Variants in ADAMTS18 observed in about 807,000 individuals in gnomAD.
The protein encoded by ADAMTS18 is ADAM metallopeptidase with thrombospondin type 1 motif 18, also known as A disintegrin and metalloproteinase with thrombospondin motifs 18.
Under a neutral mutation model 165.9 loss-of-function variants are expected in ADAMTS18, and 157 were observed. The ratio of observed to expected loss-of-function variants is 0.95; its 90% CI spans 0.83 to 1.08. The LOEUF (loss-of-function observed/expected upper bound fraction) is 1.08. ADAMTS18 is among the 50% of genes least tolerant of loss of function. The probability of loss-of-function intolerance (pLI) is 0.00; values close to 1 mark genes in which losing one functional copy is unlikely to be tolerated. For synonymous variants in ADAMTS18, 782 were observed against 578.2 expected (o/e 1.35, Z -5.06); for missense variants, 2,040 against 1,534.0 (o/e 1.33, Z -5.51).
At position 77,335,788 on chromosome 16, in the gene ADAMTS18, G is replaced by A. The variant is rs2056299768; in HGVS notation, c.1827C>T (p.Val609=). Residue 609 remains valine (V), a synonymous_variant, in exon 12 of 23, where the codon GTC becomes GTT. Transcript: ENST00000282849. ...SECSRTCGGG[V]KFQERHCNNP... ...TATTGCAGTGTCTCTCCTGGAACTT[G>A]ACTCCTCCACCACATGTCCGGGAAC... 6.2e-7 allele frequency: 1 copy of A among 1,614,216 alleles called. No individual in the cohort carries two copies. The highest frequency in any genetic ancestry group is 2.2e-5 in the East Asian group (1 of 44,886).
At position 77,431,460 on chromosome 16, in the gene ADAMTS18, T is replaced by C; in HGVS notation, c.330A>G (p.Leu110=). ...RFSAFGQELH[L]ELKPSAILSS... The stretch of plus-strand genomic sequence containing the variant: ...TCAAAATCGCCGAGGGCTTAAGTTC[T>C]AAGTGCAGTTCCTGTCCAAATGCTG... The change falls in exon 3 of 23, where the codon TTA becomes TTG. Residue 110 remains leucine, a synonymous_variant. Coordinates refer to ENST00000282849, the MANE Select transcript of ADAMTS18 (RefSeq NM_199355.4). The C allele has an allele frequency of 1.2e-6, 2 of 1,614,232 alleles. No homozygotes were observed. The highest frequency in any genetic ancestry group is 1.7e-6 in the Non-Finnish European group (2 of 1,180,046).
intron 3 of ADAMTS18, among the ~76,000 whole-genome samples, chr16:77,371,822 G>A (rs181070866): frequency 1.5e-3 from 223 of 152,232 alleles, no homozygotes; most frequent in African/African-American, 4.5e-3. Flanking sequence ...ACAATCAATA[G>A]ACTAAGGAGA....
intron 20 of ADAMTS18, 64 bp downstream of exon 20, chr16:77,293,012 G>C (rs1458735706): frequency 4.4e-6 from 7 of 1,601,332 alleles, no homozygotes; most frequent in South Asian, 1.1e-5. Flanking sequence ...GTAGAGACAG[G>C]GTTTCACTGT....
At chr16:77,422,435 T>G (rs891595176) in intron 3 of ADAMTS18, among the ~76,000 whole-genome samples, 1 of 150,902 alleles carries the variant, frequency 6.6e-6, no homozygotes, top group African/African-American at 2.4e-5. Context: ...AGTGGTGACA[T>G]CATTGGATAG....
rs575718970 is a variant in ADAMTS18 at position 77,360,829 on chromosome 16, G to A, written c.1216+1276C>T. Among the ~76,000 whole-genome samples the A allele has an allele frequency of 8.9e-4, 135 of 152,274 alleles. 1 individual carries two copies. Among genetic ancestry groups the A allele is most frequent in the African/African-American group, 2.5e-3 (105 of 41,566 alleles). Reference sequence around the variant, plus strand: ...TGCCCTGGCACAGTGGCTCATGCCCGTAATCCCAGCACTCTGGGAGGCTGA... The same window carrying A: ...TGCCCTGGCACAGTGGCTCATGCCCATAATCCCAGCACTCTGGGAGGCTGA... On this transcript the variant is annotated intron_variant, in intron 7 of 22. Coordinates refer to ENST00000282849, the MANE Select transcript of ADAMTS18 (RefSeq NM_199355.4).
intron 16 of ADAMTS18, among the ~76,000 whole-genome samples, chr16:77,303,748 C>G (rs2055630466): frequency 6.6e-6 from 1 of 152,118 alleles, no homozygotes; most frequent in Non-Finnish European, 1.5e-5. Flanking sequence ...AAATCAAGTG[C>G]TAGGGCCGGA....
chr16:77,388,514 T>A (rs2057140817), intron 3 of ADAMTS18, among the ~76,000 whole-genome samples: 1 of 152,232 alleles, frequency 6.6e-6, no homozygotes, highest in South Asian at 2.1e-4. Context: ...AAATTCTGGC[T>A]CTACTGCTTG....
chr16:77,359,249 G>A (rs568407896), intron 8 of ADAMTS18, 69 bp downstream of exon 8: 82 of 1,336,256 alleles, frequency 6.1e-5, no homozygotes, highest in African/African-American at 2.3e-4. Flanking sequence ...CAACAACAAC[G>A]GTTAGAGGAA....
At chr16:77,367,322 C>A in intron 4 of ADAMTS18, 119 bp downstream of exon 4, 1 of 1,120,556 alleles carries the variant, frequency 8.9e-7, no homozygotes, top group Non-Finnish European at 1.3e-6. Context: ...GGTCCTACAC[C>A]AAGACAGATG....
At chr16:77,312,012 A>T (rs1471044395) in intron 16 of ADAMTS18, among the ~76,000 whole-genome samples, 1 of 152,162 alleles carries the variant, frequency 6.6e-6, no homozygotes, top group Non-Finnish European at 1.5e-5. Context: ...ATTATTTTTA[A>T]AAACATATTA....
intron 21 of ADAMTS18, chr16:77,290,920 A>G: frequency 3.4e-6 from 1 of 295,802 alleles, no homozygotes; most frequent in Non-Finnish European, 6.5e-6. Flanking sequence ...GGCTGTGAGC[A>G]GCATTTCTAA....
At chr16:77,311,650 A>C (rs1463760891) in intron 16 of ADAMTS18, among the ~76,000 whole-genome samples, 1 of 152,096 alleles carries the variant, frequency 6.6e-6, no homozygotes, top group Non-Finnish European at 1.5e-5. Context: ...CAAAGGCATT[A>C]ACCTAAATTA....
chr16:77,320,042 T>A lies in ADAMTS18; in HGVS notation c.2339A>T (p.Gln780Leu). 6.2e-7 allele frequency: 1 copy of A among 1,614,114 alleles called. No homozygotes were observed. The highest frequency in any genetic ancestry group is 8.5e-7 in the Non-Finnish European group (1 of 1,180,010). ...IPAGARSIEI[Q>L]ELQVSSSYLA... ...GTAACTGGAGGAAACCTGCAGCTCC[T>A]GGATTTCGATGCTTCGGGCGCCAGC... Residue 780 changes from glutamine (Q) to leucine (L), a missense_variant, in exon 16 of 23, where the codon CAG (glutamine) becomes CTG (leucine). Gln to Leu is a moderately radical substitution (Grantham distance 113). Transcript: ENST00000282849.
At chr16:77,291,846 G>T (rs2055370573) in intron 20 of ADAMTS18, among the ~76,000 whole-genome samples, 1 of 152,188 alleles carries the variant, frequency 6.6e-6, no homozygotes, top group Admixed American at 6.5e-5. Context: ...TCTACCTAAG[G>T]CCTGAGGAGT....
At chr16:77,373,256 T>G (rs567703844) in intron 3 of ADAMTS18, among the ~76,000 whole-genome samples, 10 of 152,016 alleles carry the variant, frequency 6.6e-5, no homozygotes, top group Non-Finnish European at 1.3e-4. Flanking sequence ...TTTGGGAGGC[T>G]GAGGTCAGGA....
intron 3 of ADAMTS18, among the ~76,000 whole-genome samples, chr16:77,385,252 A>G (rs2057090619): frequency 6.6e-6 from 1 of 152,210 alleles, no homozygotes; most frequent in East Asian, 1.9e-4. Flanking sequence ...CTTGTCATCG[A>G]AAGTCTAACT....
intron 3 of ADAMTS18, among the ~76,000 whole-genome samples, chr16:77,408,378 T>G (rs544879371): frequency 2.7e-4 from 41 of 152,180 alleles, no homozygotes; most frequent in African/African-American, 9.6e-4. Context: ...ATGAGTACAT[T>G]TGAACCATAA....
chr16:77,324,448 G>C (rs1335747732), intron 13 of ADAMTS18, among the ~76,000 whole-genome samples: 1 of 152,138 alleles, frequency 6.6e-6, no homozygotes, highest in East Asian at 1.9e-4. Flanking sequence ...CATTTCAAAA[G>C]TTATAACCAT....
At chr16:77,286,795 C>G (rs992639926) in intron 22 of ADAMTS18, among the ~76,000 whole-genome samples, 12 of 152,124 alleles carry the variant, frequency 7.9e-5, no homozygotes, top group African/African-American at 2.7e-4. Flanking sequence ...CGTAAACACC[C>G]AGTTTCAATG....
Sources: allele counts gnomAD v4.1 joint callset (sites outside exome capture counted in the v4.1 genomes callset), GRCh38; gene constraint gnomAD v4.1.1; transcripts MANE v1.5; gene names NCBI Gene and HGNC (gene_info 2026-07-23, HGNC 2026-07-21).